Variants in USP6 observed in about 807,000 individuals in gnomAD.
USP6 encodes the protein ubiquitin specific peptidase 6.
USP6 carries 128 observed loss-of-function variants against 175.7 expected under a neutral mutation model. The observed-to-expected ratio is 0.73, with a 90% CI of 0.63 to 0.84. The LOEUF is 0.84. Among genes scored for constraint, USP6 ranks in the 40% least tolerant of loss-of-function variants. USP6 has a pLI of 0.00. For synonymous variants in USP6, 562 were observed against 630.6 expected (o/e 0.89, Z 1.63); for missense variants, 1,498 against 1,760.3 (o/e 0.85, Z 2.67).
chr17:5,120,583 C>T, intron 2 of USP6, 44 bp from the exon 3 acceptor site: 1 of 360,036 alleles, frequency 2.8e-6, no homozygotes, highest in Non-Finnish European at 5.4e-6. Context: ...AGGGTCTTTC[C>T]CCAGGATGGC....
At position 5,137,802 on chromosome 17, in the gene USP6, G is replaced by A. The variant is rs192640846; in HGVS notation, c.925+52G>A. The A allele has an allele frequency of 3.8e-4, 607 of 1,599,816 alleles. 3 individuals carry two copies. In the African/African-American group the frequency reaches 7.0e-3, roughly 18 times the overall value. On this transcript the variant is annotated intron_variant, in intron 20 of 37. Coordinates refer to ENST00000574788, the MANE Select transcript of USP6 (RefSeq NM_001304284.2). ...CTGGGGAGCCCTGCAGTCAGACCCCGACTGGCCCAAGGGCAGCTTCCTCAC... is the reference window on the plus strand; with the variant it reads ...CTGGGGAGCCCTGCAGTCAGACCCCAACTGGCCCAAGGGCAGCTTCCTCAC...
At chr17:5,119,151 C>T (rs2072596810) in intron 2 of USP6, among the ~76,000 whole-genome samples, 1 of 151,448 alleles carries the variant, frequency 6.6e-6, no homozygotes, top group South Asian at 2.1e-4. Flanking sequence ...AATCACCCCT[C>T]TTCCTCAAAG....
chr17:5,167,978 C>T lies in USP6; in HGVS notation c.3083C>T (p.Ala1028Val). 6.2e-7 allele frequency: 1 copy of T among 1,611,972 alleles called. No individual in the cohort carries two copies. ...GTGGAGCAGAGTCGGCGAGCGCAAG[C>T]CGAGCCCATCAACCTGGACAGCTGT... ...ESVEQSRRAQAEPINLDSCLR... is the reference protein window; with the variant it reads ...ESVEQSRRAQVEPINLDSCLR... Residue 1028 changes from alanine to valine, a missense_variant, in exon 34 of 38, where the codon GCC (alanine) becomes GTC (valine). Physicochemically the swap from Ala to Val is moderately conservative, Grantham distance 64. Transcript: ENST00000574788.
chr17:5,170,133 A>G (rs1343765118), intron 35 of USP6, among the ~76,000 whole-genome samples: 5 of 149,646 alleles, frequency 3.3e-5, no homozygotes, highest in African/African-American at 1.3e-4. Context: ...TTTTTTGTCT[A>G]ATTTTACAAA....
In USP6 at chr17:5,116,454, G is replaced by C. The variant is rs2072541955; in HGVS notation, c.-2214G>C. The C allele has an allele frequency of 6.6e-6, 1 of 152,338 alleles. No individual in the cohort carries two copies. Among genetic ancestry groups the C allele is most frequent in the South Asian group, 2.1e-4 (1 of 4,836 alleles). 9.4% of individuals were successfully genotyped at this position (152,338 alleles called of 1,614,324 possible). A position where few individuals can be genotyped will look rare whatever the true frequency, so the allele number is the denominator to read the frequency against. ...CCCATGTGAGCCGCCGTCTCGTGTG[G>C]TGTCTGAGGGGCGTCTACCTGGAGT... On this transcript the variant is annotated 5_prime_UTR_variant, in exon 1 of 38. Transcript: ENST00000574788.
chr17:5,134,973 G>A (rs1192046106), intron 15 of USP6: 6 of 424,290 alleles, frequency 1.4e-5, no homozygotes, highest in Non-Finnish European at 2.7e-5. Flanking sequence ...CCCAAAGACT[G>A]AACTGGTGTG....
intron 4 of USP6, 51 bp downstream of exon 4, chr17:5,121,801 C>T (rs1041215399): frequency 6.5e-6 from 1 of 153,302 alleles, no homozygotes; most frequent in Non-Finnish European, 1.5e-5. Context: ...CCCACTTCAC[C>T]TAGGAAGAAG....
chr17:5,146,588 A>G (rs989256976), intron 28 of USP6, among the ~76,000 whole-genome samples: 5 of 152,192 alleles, frequency 3.3e-5, no homozygotes, highest in African/African-American at 1.2e-4. Flanking sequence ...TTGGTCTTTT[A>G]ACACACTAAG....
In USP6 at chr17:5,116,244, G is replaced by A. The variant is rs2072534082; in HGVS notation, c.-2424G>A. On this transcript the variant is annotated 5_prime_UTR_variant, in exon 1 of 38. Coordinates refer to ENST00000574788, the MANE Select transcript of USP6 (RefSeq NM_001304284.2). ...TCATTGAGAGGACTTCCCGCCTGCG[G>A]GCTCTCTGCTCGACGCCACTCCCGG... is the stretch of plus-strand genomic sequence containing the variant. Among the ~76,000 whole-genome samples, 1 of 137,262 alleles carries A rather than the reference G, an allele frequency of 7.3e-6. No individual in the cohort carries two copies. 90.0% of individuals were successfully genotyped at this position (137,262 alleles called of 152,430 possible).
Position 5,137,977 on chromosome 17 carries a change from C to T in USP6, c.926-144C>T, listed in dbSNP as rs564972251. ...TTCCCTGTCCAGATCACCCCCCAGC[C>T]ACAGTCTCCTGTGTACATCTGGATG... On this transcript the variant is annotated intron_variant, in intron 20 of 37. Coordinates refer to ENST00000574788, the MANE Select transcript of USP6 (RefSeq NM_001304284.2). 3 of 1,528,906 alleles carry T rather than the reference C, an allele frequency of 2.0e-6. No individual in the cohort carries two copies. In the East Asian group the frequency reaches 7.0e-5, roughly 36 times the overall value. The allele number at this position is 1,528,906 out of a possible 1,614,324, so 94.7% of individuals were successfully genotyped here.
At position 5,168,054 on chromosome 17, in the gene USP6, C is replaced by G; in HGVS notation, c.3159C>G (p.Tyr1053Ter). Reference sequence around the variant, plus strand: ...AGCTAGGGGAAAGTGAGATGTACTACTGTTCCAAGTGTAAGACCCACTGCT... The same window carrying G: ...AGCTAGGGGAAAGTGAGATGTACTAGTGTTCCAAGTGTAAGACCCACTGCT... The part of the protein sequence containing the change: ...EEELGESEMY[Y>*]CSKCKTHCLA... The change falls in exon 34 of 38, where the codon TAC becomes TAG. Residue 1053 changes from tyrosine to a stop codon, truncating the protein, a stop_gained. Transcript: ENST00000574788. LOFTEE classifies it high-confidence loss of function. 6.2e-7 allele frequency: 1 copy of G among 1,612,014 alleles called. No homozygotes were observed. Among genetic ancestry groups the G allele is most frequent in the South Asian group, 1.1e-5 (1 of 90,984 alleles).
intron 18 of USP6, 113 bp from the exon 19 acceptor site, chr17:5,137,008 T>G: frequency 7.8e-7 from 1 of 1,284,914 alleles, no homozygotes; most frequent in Non-Finnish European, 1.1e-6. Flanking sequence ...TTGTGGGGAG[T>G]TCTGGACACC....
rs1415590899 is a variant in USP6, at chr17:5,121,523, A to G, written c.-1526A>G. On this transcript the variant is annotated 5_prime_UTR_variant, in exon 4 of 38. Transcript: ENST00000574788. ...TCTGTCCCCTCCCCACCCTGTACCT[A>G]TCACCCCAGGGTGAGCCCAGCCTTA... 1.5e-5 allele frequency: 3 copies of G among 200,002 alleles called. No homozygotes were observed. The highest frequency in any genetic ancestry group is 3.1e-5 in the Non-Finnish European group (3 of 97,848). The allele number at this position is 200,002 out of a possible 1,614,324, so 12.4% of individuals were successfully genotyped here.
In USP6 at chr17:5,139,392, C is replaced by T. The variant is rs753235813; in HGVS notation, c.1216C>T (p.Pro406Ser). 1.9e-6 allele frequency: 3 copies of T among 1,613,444 alleles called. No individual in the cohort carries two copies. Among genetic ancestry groups the T allele is most frequent in the Admixed American group, 1.7e-5 (1 of 60,036 alleles). ...FQRPICSASP[P>S]WASRFSTPCP... Reference sequence around the variant, plus strand: ...GCGGCCCATTTGCTCAGCTTCCCCGCCATGGGCATCTCGTTTTTCCACGCC... The same window carrying T: ...GCGGCCCATTTGCTCAGCTTCCCCGTCATGGGCATCTCGTTTTTCCACGCC... Residue 406 changes from proline (P) to serine (S), a missense_variant, in exon 22 of 38, where the codon CCA (proline) becomes TCA (serine). Pro to Ser is a moderately conservative substitution (Grantham distance 74). Coordinates refer to ENST00000574788, the MANE Select transcript of USP6 (RefSeq NM_001304284.2).
rs761969513 is a variant in USP6, at chr17:5,168,972, C to T, written c.3434C>T (p.Ala1145Val). Residue 1145 changes from alanine to valine, a missense_variant, in exon 35 of 38, where the codon GCG (alanine) becomes GTG (valine). Transcript: ENST00000574788. ...GCAAGAGAGGTGAAGAAAGTGGATG[C>T]GCAGAGTTCGGCTGGAAAAGAGGAC... ...ILAREVKKVD[A>V]QSSAGKEDML... 8.7e-6 allele frequency: 14 copies of T among 1,613,818 alleles called. No individual in the cohort carries two copies. Among genetic ancestry groups the T allele is most frequent in the East Asian group, 6.7e-5 (3 of 44,890 alleles).
intron 4 of USP6, among the ~76,000 whole-genome samples, chr17:5,123,971 T>TACCCCTAACAAGG (rs1309204584): frequency 6.6e-6 from 1 of 151,936 alleles, no homozygotes; most frequent in Admixed American, 6.6e-5. Context: ...GAATCTTCCA[T>TACCCCTAACAAGG]ACCCCTAACA....
intron 30 of USP6, among the ~76,000 whole-genome samples, chr17:5,149,538 C>G (rs2073705623): frequency 6.6e-6 from 1 of 152,170 alleles, no homozygotes; most frequent in Admixed American, 6.5e-5. Context: ...TCAACTCCAA[C>G]CTGGGCAATA....
At chr17:5,125,424 G>A (rs3855857) in intron 5 of USP6, among the ~76,000 whole-genome samples, 152 bp downstream of exon 5, 114,380 of 151,992 alleles carry the variant, frequency 0.75, 43,818 homozygotes, top group Non-Finnish European at 0.81. Context: ...AACTGGTCTC[G>A]GGTAGCAAAA....
At chr17:5,143,805 A>C (rs2143977650) in intron 25 of USP6, among the ~76,000 whole-genome samples, 1 of 152,202 alleles carries the variant, frequency 6.6e-6, no homozygotes, top group African/African-American at 2.4e-5. Context: ...GCATGCTTGT[A>C]ATCCCAGCTA....
Sources: allele counts gnomAD v4.1 joint callset (sites outside exome capture counted in the v4.1 genomes callset), GRCh38; gene constraint gnomAD v4.1.1; transcripts MANE v1.5; gene names NCBI Gene and HGNC (gene_info 2026-07-23, HGNC 2026-07-21).